Variants in FAXDC2 observed in about 807,000 individuals in gnomAD.
The protein encoded by FAXDC2 is fatty acid hydroxylase domain-containing protein 2.
In FAXDC2, 41 loss-of-function variants were observed where a neutral mutation model predicts 40.9. The observed-to-expected ratio is 1.00, with a 90% CI of 0.78 to 1.30. FAXDC2 has a LOEUF of 1.30. FAXDC2 is among the 50% of genes most tolerant of loss of function. The probability of loss-of-function intolerance (pLI) is 0.00; values close to 1 mark genes in which losing one functional copy is unlikely to be tolerated. For missense variants in FAXDC2, 390 were observed against 408.8 expected, an observed-to-expected ratio of 0.95 and a Z score of 0.40; for synonymous variants, 157 against 149.3, an observed-to-expected ratio of 1.05 and a Z score of -0.38.
chr5:154,846,106 C>T (rs550570208), intron 1 of FAXDC2, among the ~76,000 whole-genome samples: 1 of 151,932 alleles, frequency 6.6e-6, no homozygotes, highest in African/African-American at 2.4e-5. Context: ...CCAGCCTGGA[C>T]ACATATTAGT....
chr5:154,835,172 G>T (rs1361446946), intron 2 of FAXDC2: 2 of 456,482 alleles, frequency 4.4e-6, no homozygotes, highest in African/African-American at 4.0e-5. Context: ...GGAGGGAAGG[G>T]AATTAGCCTG....
intron 2 of FAXDC2, among the ~76,000 whole-genome samples, chr5:154,837,596 A>G (rs914121836): frequency 6.6e-6 from 1 of 151,356 alleles, no homozygotes; most frequent in Non-Finnish European, 1.5e-5. Flanking sequence ...AAACCAAATT[A>G]AGTCAAATTA....
At chr5:154,829,530 C>G (rs1274549257) in intron 5 of FAXDC2, 1 of 154,414 alleles carries the variant, frequency 6.5e-6, no homozygotes, top group African/African-American at 2.4e-5. Context: ...TGATCTTGAG[C>G]TAGTCACTGG....
At chr5:154,822,189 T>G in intron 7 of FAXDC2, 5 of 291,762 alleles carry the variant, frequency 1.7e-5, no homozygotes, top group East Asian at 6.8e-5. Context: ...GCCCAGGGGT[T>G]GGAGGCTGCA....
chr5:154,834,290 G>T (rs1760264660), intron 4 of FAXDC2, among the ~76,000 whole-genome samples: 1 of 152,124 alleles, frequency 6.6e-6, no homozygotes, highest in Non-Finnish European at 1.5e-5. Context: ...AGGGTACATA[G>T]TCTCAGACAA....
intron 5 of FAXDC2, among the ~76,000 whole-genome samples, chr5:154,828,184 T>G (rs1760092296): frequency 6.6e-6 from 1 of 151,700 alleles, no homozygotes; most frequent in Non-Finnish European, 1.5e-5. Context: ...TGAGTCAGGA[T>G]CTCACTCTGT....
chr5:154,846,669 G>A (rs1000621043), intron 1 of FAXDC2, among the ~76,000 whole-genome samples: 4 of 152,088 alleles, frequency 2.6e-5, no homozygotes, highest in African/African-American at 9.7e-5. Context: ...ACAGGCATGA[G>A]CCACCATGCC....
chr5:154,821,607 G>A (rs942201614), intron 7 of FAXDC2, among the ~76,000 whole-genome samples, 181 bp from the exon 8 acceptor site: 4 of 152,116 alleles, frequency 2.6e-5, no homozygotes, highest in African/African-American at 9.7e-5. Context: ...GACAAATTAC[G>A]CAGTTTGAGC....
At chr5:154,845,734 A>G (rs960582254) in intron 1 of FAXDC2, among the ~76,000 whole-genome samples, 3 of 151,736 alleles carry the variant, frequency 2.0e-5, no homozygotes, top group East Asian at 3.9e-4. Flanking sequence ...CCATTTTCCA[A>G]CTGAAGAAAC....
chr5:154,824,592 C>CAA (rs1386575997), intron 5 of FAXDC2: 2 of 702,376 alleles, frequency 2.8e-6, no homozygotes, highest in Non-Finnish European at 5.2e-6. Context: ...GAGGCCATTA[C>CAA]ACCTTCTGGA....
chr5:154,849,807 G>A (rs1437968753), intron 1 of FAXDC2, among the ~76,000 whole-genome samples: 1 of 152,164 alleles, frequency 6.6e-6, no homozygotes, highest in African/African-American at 2.4e-5. Flanking sequence ...GAAAGCCACT[G>A]TTCTATTGTT....
intron 5 of FAXDC2, among the ~76,000 whole-genome samples, chr5:154,828,531 G>T (rs1470927727): frequency 6.6e-6 from 1 of 151,800 alleles, no homozygotes; most frequent in Admixed American, 6.6e-5. Flanking sequence ...GCATGTGGGT[G>T]CAGGTACTGG....
chr5:154,844,394 A>G (rs973992291), intron 1 of FAXDC2, among the ~76,000 whole-genome samples: 10 of 151,956 alleles, frequency 6.6e-5, no homozygotes. Flanking sequence ...AAAAAAAAAA[A>G]AAAGAAAAAG....
intron 1 of FAXDC2, among the ~76,000 whole-genome samples, chr5:154,845,452 C>T (rs1044416648): frequency 7.2e-5 from 11 of 152,038 alleles, no homozygotes; most frequent in African/African-American, 2.7e-4. Flanking sequence ...TGGAGTGTGC[C>T]GTCTTAAGAA....
intron 1 of FAXDC2, among the ~76,000 whole-genome samples, chr5:154,847,453 A>G (rs190314362): frequency 4.5e-4 from 68 of 149,966 alleles, no homozygotes; most frequent in African/African-American, 1.6e-3. Flanking sequence ...CTACAGCCCA[A>G]CTCTTTCAGA....
intron 2 of FAXDC2, among the ~76,000 whole-genome samples, chr5:154,835,576 C>CT (rs1019461860): frequency 1.3e-5 from 2 of 152,110 alleles, no homozygotes; most frequent in South Asian, 2.1e-4. Context: ...CGTTTTCTGA[C>CT]TTTTTTTGTT....
chr5:154,826,046 G>T (rs1013504884), intron 5 of FAXDC2, among the ~76,000 whole-genome samples: 2 of 152,084 alleles, frequency 1.3e-5, no homozygotes, highest in Non-Finnish European at 2.9e-5. Context: ...AGAGAGTTCT[G>T]GGCTAGAGAG....
chr5:154,831,636 C>A (rs1760194993), intron 4 of FAXDC2, among the ~76,000 whole-genome samples: 1 of 152,106 alleles, frequency 6.6e-6, no homozygotes, highest in South Asian at 2.1e-4. Context: ...TTGCTTAATT[C>A]CATGTCTGTG....
At chr5:154,823,293 C>G in intron 6 of FAXDC2, 94 bp downstream of exon 6, 1 of 1,170,066 alleles carries the variant, frequency 8.5e-7, no homozygotes, top group Non-Finnish European at 1.2e-6. Flanking sequence ...GGATTACAAG[C>G]GTGAGTCACT....
Sources: allele counts gnomAD v4.1 joint callset (sites outside exome capture counted in the v4.1 genomes callset), GRCh38; gene constraint gnomAD v4.1.1; transcripts MANE v1.5; gene names NCBI Gene and HGNC (gene_info 2026-07-23, HGNC 2026-07-21).